ZNF277: variants seen among roughly 807,000 people sequenced by gnomAD.
The protein encoded by ZNF277 is nuclear receptor-interacting factor 4.
Under a neutral mutation model 60.7 loss-of-function variants are expected in ZNF277, and 55 were observed. That is an observed-to-expected ratio of 0.91 (90% CI 0.73 to 1.13). The LOEUF (loss-of-function observed/expected upper bound fraction) is 1.13, where lower values mean the gene tolerates loss of function less well. Among genes scored for constraint, ZNF277 ranks in the 50% most tolerant of loss-of-function variants. The pLI, the probability that ZNF277 is intolerant of heterozygous loss-of-function variation, is 0.00. For missense variants in ZNF277, 510 were observed against 523.0 expected, an observed-to-expected ratio of 0.98 and a Z score of 0.24; for synonymous variants, 178 against 179.3, an observed-to-expected ratio of 0.99 and a Z score of 0.06.
chr7:112,328,716 C>T (rs1793158086), intron 6 of ZNF277, among the ~76,000 whole-genome samples: 1 of 151,854 alleles, frequency 6.6e-6, no homozygotes, highest in Non-Finnish European at 1.5e-5. Flanking sequence ...ACTAAAAATA[C>T]AAAATTAGCC....
intron 5 of ZNF277, among the ~76,000 whole-genome samples, chr7:112,324,763 G>A (rs770213529): frequency 1.4e-4 from 21 of 152,234 alleles, no homozygotes; most frequent in Middle Eastern, 6.8e-3. Context: ...ATATATAAGC[G>A]GAGACATATT....
intron 1 of ZNF277, among the ~76,000 whole-genome samples, chr7:112,278,124 A>T (rs542827771): frequency 4.8e-4 from 73 of 152,296 alleles, no homozygotes; most frequent in African/African-American, 1.7e-3. Context: ...TTATGTCTGT[A>T]TCAAAAATTT....
intron 1 of ZNF277, among the ~76,000 whole-genome samples, chr7:112,232,669 T>C (rs1193595652): frequency 6.6e-6 from 1 of 152,170 alleles, no homozygotes; most frequent in Non-Finnish European, 1.5e-5. Context: ...ATCAGTTTTG[T>C]GTTAGCGCAG....
intron 1 of ZNF277, among the ~76,000 whole-genome samples, chr7:112,257,498 A>C (rs1791343658): frequency 6.6e-6 from 1 of 152,218 alleles, no homozygotes; most frequent in Non-Finnish European, 1.5e-5. Context: ...GCCAGGTAAC[A>C]GAAATGAGGG....
rs1465419619 is a variant in ZNF277 at position 112,318,209 on chromosome 7, G to T, written c.493G>T (p.Glu165Ter). The T allele has an allele frequency of 1.9e-6, 3 of 1,613,314 alleles. No homozygotes were observed. Among genetic ancestry groups the T allele is most frequent in the Non-Finnish European group, 2.5e-6 (3 of 1,179,400 alleles). ...LREILEQQQQ[E>*]RNDTNFHGVC... The stretch of plus-strand genomic sequence containing the variant: ...AGAAATTCTGGAACAACAGCAGCAA[G>T]AACGAAATGATACCAATTTTCATGG... Residue 165 changes from glutamate (E) to a stop codon, truncating the protein, a stop_gained, in exon 5 of 12, where the codon GAA (glutamate) becomes TAA (stop). Coordinates refer to ENST00000361822, the MANE Select transcript of ZNF277 (RefSeq NM_021994.3). LOFTEE classifies it high-confidence loss of function.
chr7:112,315,930 C>G (rs762930503), intron 4 of ZNF277, among the ~76,000 whole-genome samples: 6 of 151,998 alleles, frequency 3.9e-5, no homozygotes, highest in Non-Finnish European at 7.4e-5. Flanking sequence ...GATCACTGTC[C>G]CCTGGCTTCT....
rs67934905 is a variant in ZNF277 at position 112,232,042 on chromosome 7, C to CATATAT, written c.91+25272_91+25277dup. Reference sequence around the variant, plus strand: ...GAACTGCCCCTAAAATAAATAAATACATATATATATATATATATATATATA... The same window carrying CATATAT: ...GAACTGCCCCTAAAATAAATAAATACATATATATATATATATATATATATATATATA... On this transcript the variant is annotated intron_variant, in intron 1 of 11. Coordinates refer to ENST00000361822, the MANE Select transcript of ZNF277 (RefSeq NM_021994.3). Among the ~76,000 whole-genome samples the CATATAT allele has an allele frequency of 8.8e-3, 1,170 of 132,838 alleles. 32 individuals are homozygous for CATATAT. The highest frequency in any genetic ancestry group is 0.021 in the African/African-American group (649 of 31,218). 87.1% of individuals were successfully genotyped at this position (132,838 alleles called of 152,430 possible). A position where few individuals can be genotyped will look rare whatever the true frequency, so the allele number is the denominator to read the frequency against.
chr7:112,310,346 C>A (rs1792693399), intron 4 of ZNF277, among the ~76,000 whole-genome samples: 2 of 151,886 alleles, frequency 1.3e-5, no homozygotes, highest in Non-Finnish European at 1.5e-5. Context: ...CTCCTAGGAA[C>A]AGACAACAAG....
At chr7:112,267,135 T>G (rs1182130973) in intron 1 of ZNF277, among the ~76,000 whole-genome samples, 1 of 152,200 alleles carries the variant, frequency 6.6e-6, no homozygotes, top group Non-Finnish European at 1.5e-5. Flanking sequence ...CAGCTTGCAG[T>G]GAGATTCAGA....
At chr7:112,316,787 C>A (rs143916375) in intron 4 of ZNF277, among the ~76,000 whole-genome samples, 1 of 152,006 alleles carries the variant, frequency 6.6e-6, no homozygotes, top group Non-Finnish European at 1.5e-5. Flanking sequence ...TTTGACTCAG[C>A]GGTCCCGTTA....
At chr7:112,296,002 A>G (rs1350835396) in intron 3 of ZNF277, 45 bp downstream of exon 3, 1 of 1,375,942 alleles carries the variant, frequency 7.3e-7, no homozygotes, top group Non-Finnish European at 1.0e-6. Flanking sequence ...CAGTATAAAA[A>G]TTCAAAGGAA....
chr7:112,308,240 G>A (rs1466996670), intron 4 of ZNF277, among the ~76,000 whole-genome samples: 1 of 152,010 alleles, frequency 6.6e-6, no homozygotes, highest in African/African-American at 2.4e-5. Flanking sequence ...CCATGGCTGG[G>A]TGCGGTGGCT....
intron 4 of ZNF277, among the ~76,000 whole-genome samples, chr7:112,310,478 A>AGAGAGAGT (rs762824873): frequency 3.2e-5 from 4 of 125,592 alleles, no homozygotes; most frequent in South Asian, 2.5e-4. Flanking sequence ...AGAGAGAGAG[A>AGAGAGAGT]GTGTGTGTGT....
At chr7:112,238,592 C>T (rs985106149) in intron 1 of ZNF277, among the ~76,000 whole-genome samples, 11 of 151,924 alleles carry the variant, frequency 7.2e-5, no homozygotes, top group South Asian at 6.2e-4. Flanking sequence ...GGGAGGTGTT[C>T]GCGTCACCCC....
At chr7:112,261,651 AATTTTTTAACCTTTATGATCC>A (rs1791441397) in intron 1 of ZNF277, among the ~76,000 whole-genome samples, 1 of 152,026 alleles carries the variant, frequency 6.6e-6, no homozygotes, top group African/African-American at 2.4e-5. Flanking sequence ...CAAATTCTTA[AATTTTTTAACCTTTATGATCC>A]ATTTAGGAGT....
intron 1 of ZNF277, among the ~76,000 whole-genome samples, chr7:112,207,688 A>C (rs1821586657): frequency 6.6e-6 from 1 of 152,088 alleles, no homozygotes; most frequent in Non-Finnish European, 1.5e-5. Context: ...ATTTAGCACA[A>C]GTTGTCTTTT....
chr7:112,215,689 C>T (rs1821860988), intron 1 of ZNF277, among the ~76,000 whole-genome samples: 1 of 152,176 alleles, frequency 6.6e-6, no homozygotes, highest in African/African-American at 2.4e-5. Context: ...CTTGTTTTGC[C>T]TCCTTGTTTC....
chr7:112,212,316 T>G (rs1180628002), intron 1 of ZNF277, among the ~76,000 whole-genome samples: 1 of 152,200 alleles, frequency 6.6e-6, no homozygotes, highest in Non-Finnish European at 1.5e-5. Context: ...CTATAAACCA[T>G]TAAGTCCAGT....
intron 4 of ZNF277, among the ~76,000 whole-genome samples, chr7:112,298,922 A>G (rs998528419): frequency 3.9e-5 from 6 of 152,056 alleles, no homozygotes; most frequent in Non-Finnish European, 5.9e-5. Flanking sequence ...TTGGCCTCTC[A>G]TGTGTCTGGT....
Sources: gnomAD v4.1 joint callset for allele counts (sites outside exome capture counted in the v4.1 genomes callset) on GRCh38, gnomAD v4.1.1 for gene constraint, MANE v1.5 for transcripts, NCBI Gene and HGNC (gene_info 2026-07-23, HGNC 2026-07-21) for gene names.